PIGK: variants seen among roughly 807,000 people sequenced by gnomAD.
PIGK encodes phosphatidylinositol glycan anchor biosynthesis class K.
Under a neutral mutation model 50.6 loss-of-function variants are expected in PIGK, and 42 were observed. The observed-to-expected ratio is 0.83, with a 90% CI of 0.65 to 1.07. The LOEUF (loss-of-function observed/expected upper bound fraction) is 1.07. Among genes scored for constraint, PIGK ranks in the 50% least tolerant of loss-of-function variants. The pLI is 0.00. For missense variants in PIGK, 448 were observed against 488.7 expected (o/e 0.92, Z 0.78); for synonymous variants, 151 against 156.0 (o/e 0.97, Z 0.24).
At chr1:77,211,834 T>C (rs1001768097) in intron 1 of PIGK, among the ~76,000 whole-genome samples, 3 of 150,818 alleles carry the variant, frequency 2.0e-5, no homozygotes, top group African/African-American at 4.9e-5. Context: ...GGAGATATAA[T>C]TGAAAGAGAG....
At position 77,133,358 on chromosome 1, in the gene PIGK, G is replaced by A. The variant is rs552494302; in HGVS notation, c.987-10999C>T. ...GTTCATTATTTTAGTTATAAGCTCTGGTGAAACTCCCCACCTTTTCATCTA... is the reference window on the plus strand; with the variant it reads ...GTTCATTATTTTAGTTATAAGCTCTAGTGAAACTCCCCACCTTTTCATCTA... On this transcript the variant is annotated intron_variant, in intron 9 of 10. Transcript: ENST00000370812. Among the ~76,000 whole-genome samples, 10 of 151,994 alleles carry A rather than the reference G, an allele frequency of 6.6e-5. No homozygotes were observed. The South Asian group carries it at 2.1e-3, about 32-fold the overall frequency.
chr1:77,124,460 T>C (rs1352568327), intron 9 of PIGK, among the ~76,000 whole-genome samples: 4 of 151,786 alleles, frequency 2.6e-5, no homozygotes, highest in Admixed American at 6.6e-5. Flanking sequence ...AATACAAAAA[T>C]TAGCCAGGCA....
At chr1:77,200,517 T>C (rs550312555) in intron 3 of PIGK, among the ~76,000 whole-genome samples, 1 of 152,074 alleles carries the variant, frequency 6.6e-6, no homozygotes, top group Non-Finnish European at 1.5e-5. Flanking sequence ...TAGACTGTCA[T>C]AAGAATAAAA....
At chr1:77,180,612 G>C (rs1224413787) in intron 3 of PIGK, among the ~76,000 whole-genome samples, 2 of 143,766 alleles carry the variant, frequency 1.4e-5, no homozygotes, top group South Asian at 4.5e-4. Flanking sequence ...AGCACAAGTT[G>C]GTTTTTATAT....
At chr1:77,201,929 G>A (rs553917405) in intron 3 of PIGK, among the ~76,000 whole-genome samples, 46 of 151,630 alleles carry the variant, frequency 3.0e-4, no homozygotes, top group African/African-American at 4.4e-4. Flanking sequence ...ATGGTGGTGC[G>A]CACCTGTAGT....
chr1:77,206,657 C>A lies in PIGK; in HGVS notation c.222G>T (p.Arg74Ser), dbSNP rs1656293227. ...NTLSVYRSVK[R>S]LGIPDSHIVL... ...CTTCTTACCTGTCAGGAATACCTAG[C>A]CTCTTGACACTTCTATAAACAGAAA... Residue 74 changes from arginine to serine, a missense_variant, in exon 3 of 11, where the codon AGG (arginine) becomes AGT (serine). Coordinates refer to ENST00000370812, the MANE Select transcript of PIGK (RefSeq NM_005482.3). 2.5e-6 allele frequency: 4 copies of A among 1,603,090 alleles called. No homozygotes were observed. Among genetic ancestry groups the A allele is most frequent in the Non-Finnish European group, 3.4e-6 (4 of 1,170,366 alleles).
intron 8 of PIGK, among the ~76,000 whole-genome samples, chr1:77,157,934 C>T (rs896507999): frequency 6.6e-6 from 1 of 152,212 alleles, no homozygotes; most frequent in African/African-American, 2.4e-5. Context: ...CTTACACCTC[C>T]TTTGCCTTCC....
chr1:77,118,745 A>G (rs113365686), intron 10 of PIGK, among the ~76,000 whole-genome samples: 2,071 of 152,242 alleles, frequency 0.014, 47 homozygotes, highest in African/African-American at 0.048. Flanking sequence ...TTTCCCATTG[A>G]TCTGTGATGT....
At chr1:77,191,680 C>T (rs567926370) in intron 3 of PIGK, among the ~76,000 whole-genome samples, 21 of 152,208 alleles carry the variant, frequency 1.4e-4, no homozygotes, top group Non-Finnish European at 2.6e-4. Context: ...CATTAAAGAA[C>T]TCAGATGTCT....
chr1:77,173,675 T>C (rs576296192), intron 3 of PIGK, among the ~76,000 whole-genome samples: 10 of 152,254 alleles, frequency 6.6e-5, no homozygotes, highest in Non-Finnish European at 1.5e-4. Context: ...TCTTAAGCTG[T>C]AGCAAATTTG....
chr1:77,103,916 T>A (rs1202336722), intron 10 of PIGK, among the ~76,000 whole-genome samples: 3 of 151,406 alleles, frequency 2.0e-5, no homozygotes, highest in African/African-American at 7.3e-5. Flanking sequence ...TCCTTCAGGG[T>A]TGGGAATTGT....
intron 3 of PIGK, among the ~76,000 whole-genome samples, chr1:77,198,404 T>C (rs1433656671): frequency 6.6e-6 from 1 of 152,032 alleles, no homozygotes; most frequent in Non-Finnish European, 1.5e-5. Context: ...AAGATTACTT[T>C]TATTCCAAAT....
intron 10 of PIGK, among the ~76,000 whole-genome samples, chr1:77,103,856 T>A (rs1432915815): frequency 6.6e-6 from 1 of 152,138 alleles, no homozygotes; most frequent in African/African-American, 2.4e-5. Context: ...AAACTACCTA[T>A]AGCTGGTAGA....
chr1:77,199,464 AT>A (rs1656112022), intron 3 of PIGK, among the ~76,000 whole-genome samples: 1 of 151,884 alleles, frequency 6.6e-6, no homozygotes. Context: ...CACAATAACT[AT>A]GATTGTACAT....
At chr1:77,159,605 G>A (rs990467038) in intron 8 of PIGK, among the ~76,000 whole-genome samples, 1 of 152,198 alleles carries the variant, frequency 6.6e-6, no homozygotes, top group African/African-American at 2.4e-5. Flanking sequence ...AAGGACATGG[G>A]AGCCCACGTC....
intron 10 of PIGK, among the ~76,000 whole-genome samples, chr1:77,111,788 A>T (rs913184910): frequency 6.6e-6 from 1 of 152,108 alleles, no homozygotes; most frequent in African/African-American, 2.4e-5. Flanking sequence ...AGAAATTTTT[A>T]AAAAGTAAAC....
chr1:77,106,436 G>A (rs1050184583), intron 10 of PIGK, among the ~76,000 whole-genome samples: 6 of 152,056 alleles, frequency 3.9e-5, no homozygotes, highest in Non-Finnish European at 5.9e-5. Context: ...TATTAAAAAT[G>A]ATCATAAACA....
chr1:77,150,234 C>A (rs1002673855), intron 9 of PIGK, among the ~76,000 whole-genome samples: 6 of 151,828 alleles, frequency 4.0e-5, no homozygotes, highest in Non-Finnish European at 7.4e-5. Context: ...AAATAAGGAT[C>A]AGACTGGGCG....
rs756397052 is a variant in PIGK at position 77,206,731 on chromosome 1, C to T, written c.148G>A (p.Val50Met). The T allele has an allele frequency of 1.9e-6, 3 of 1,591,656 alleles. No individual in the cohort carries two copies. The highest frequency in any genetic ancestry group is 2.6e-6 in the Non-Finnish European group (3 of 1,160,498). Residue 50 changes from valine (V) to methionine (M), a missense_variant and splice_region_variant, in exon 3 of 11, where the codon GTG (valine) becomes ATG (methionine). Val to Met is a conservative substitution (Grantham distance 21). Coordinates refer to ENST00000370812, the MANE Select transcript of PIGK (RefSeq NM_005482.3). ...TTAAACCAGAATCGGGATGTACACA[C>T]CTGAAGTATTAAAACAAAAACAGAA... ...SGHTNNWAVL[V>M]CTSRFWFNYR... is the part of the protein sequence containing the mutation.
Sources: allele counts gnomAD v4.1 joint callset (sites outside exome capture counted in the v4.1 genomes callset), GRCh38; gene constraint gnomAD v4.1.1; transcripts MANE v1.5; gene names NCBI Gene and HGNC (gene_info 2026-07-23, HGNC 2026-07-21).